Variants in ZFHX3 observed in about 807,000 individuals in gnomAD.
ZFHX3 encodes the protein zinc finger homeobox 3, also known as zinc finger homeobox protein 3.
Under a neutral mutation model 279.1 loss-of-function variants are expected in ZFHX3, and 42 were observed. The ratio of observed to expected loss-of-function variants is 0.15; its 90% confidence interval spans 0.12 to 0.19. The LOEUF is 0.19. Ranked by LOEUF, ZFHX3 falls within the 10% of genes least tolerant of loss-of-function variation. The pLI, the probability that ZFHX3 is intolerant of heterozygous loss-of-function variation, is 1.00. For synonymous variants in ZFHX3, 2,293 were observed against 1,957.8 expected (o/e 1.17, Z -4.52); for missense variants, 4,981 against 4,754.0 (o/e 1.05, Z -1.40).
chr16:73,233,001 G>C (rs998708375), intron 5 of ZFHX3: 1 of 151,088 alleles, frequency 6.6e-6, no homozygotes, highest in African/African-American at 2.4e-5. Flanking sequence ...GGGGTGGGGG[G>C]TAGTGGTGGT....
chr16:73,887,692 A>G (rs1032646579), intron 1 of ZFHX3, among the ~76,000 whole-genome samples: 24 of 152,300 alleles, frequency 1.6e-4, no homozygotes, highest in Middle Eastern at 3.4e-3. Context: ...GTAAACACAA[A>G]CTAATAAATA....
chr16:73,390,018 C>T (rs1474636850), intron 3 of ZFHX3, among the ~76,000 whole-genome samples: 1 of 152,126 alleles, frequency 6.6e-6, no homozygotes, highest in African/African-American at 2.4e-5. Context: ...CGAGATTGCA[C>T]CACTGCACTC....
At chr16:73,231,439 C>T (rs2012768915) in intron 5 of ZFHX3, among the ~76,000 whole-genome samples, 1 of 152,226 alleles carries the variant, frequency 6.6e-6, no homozygotes, top group Non-Finnish European at 1.5e-5. Flanking sequence ...TTTAAAACCT[C>T]TCACCTGCTG....
chr16:73,130,438 G>C (rs375394609), intron 7 of ZFHX3, among the ~76,000 whole-genome samples: 1 of 152,152 alleles, frequency 6.6e-6, no homozygotes, highest in Non-Finnish European at 1.5e-5. Context: ...ACTCTTCTCC[G>C]AGAGGGTCTA....
rs762134796 is a variant in ZFHX3, at chr16:73,780,111, ATTTTTTTTTTTTTTTTTTTTTTTTTTT to A, written c.-1607-99898_-1607-99872del. On this transcript the variant is annotated intron_variant, in intron 1 of 17. Coordinates refer to the ZFHX3 transcript ENST00000641206. ...AACCAGCAAAACTCACTGCATTTGA[ATTTTTTTTTTTTTTTTTTTTTTTTTTT>A]TTTTTTTTTTTTTTTTTTTTTGAGG... is the stretch of plus-strand genomic sequence containing the variant. Among the ~76,000 whole-genome samples the A allele has an allele frequency of 6.0e-3, 200 of 33,214 alleles. 1 individual carries two copies. Among genetic ancestry groups the A allele is most frequent in the African/African-American group, 0.013 (174 of 13,078 alleles). The allele number at this position is 33,214 out of a possible 152,430, so 21.8% of individuals were successfully genotyped here.
chr16:72,969,924 T>C (rs1962026164), intron 1 of ZFHX3, among the ~76,000 whole-genome samples: 3 of 152,216 alleles, frequency 2.0e-5, no homozygotes, highest in South Asian at 2.1e-4. Context: ...ACACAGGTGC[T>C]TGAACAGGCG....
chr16:72,999,742 G>A (rs1963426696), intron 1 of ZFHX3, among the ~76,000 whole-genome samples: 2 of 151,600 alleles, frequency 1.3e-5, no homozygotes, highest in Admixed American at 6.6e-5. Context: ...CTGAGCCCAC[G>A]AGACCACACA....
At chr16:72,841,004 C>T (rs115838158) in intron 4 of ZFHX3, among the ~76,000 whole-genome samples, 2,672 of 152,220 alleles carry the variant, frequency 0.018, 71 homozygotes, top group African/African-American at 0.058. Flanking sequence ...AAGGTCACTA[C>T]GTATTTACAG....
At chr16:73,223,884 A>T (rs2012504556) in intron 5 of ZFHX3, among the ~76,000 whole-genome samples, 1 of 152,222 alleles carries the variant, frequency 6.6e-6, no homozygotes, top group African/African-American at 2.4e-5. Context: ...GGAACACACT[A>T]TCAACATAAA....
At chr16:72,872,400 C>A (rs948485906) in intron 4 of ZFHX3, among the ~76,000 whole-genome samples, 1 of 152,120 alleles carries the variant, frequency 6.6e-6, no homozygotes, top group African/African-American at 2.4e-5. Context: ...TGTGAAAGTA[C>A]TCTCTAGGTT....
chr16:73,817,792 T>C (rs328347), intron 1 of ZFHX3, among the ~76,000 whole-genome samples: 75,867 of 151,964 alleles, frequency 0.5, 20,387 homozygotes, highest in African/African-American at 0.72. Context: ...AAAGAAATGC[T>C]TAGTTCACCT....
At chr16:73,540,058 T>A (rs1260512202) in intron 2 of ZFHX3, among the ~76,000 whole-genome samples, 2 of 152,216 alleles carry the variant, frequency 1.3e-5, no homozygotes, top group Non-Finnish European at 2.9e-5. Context: ...ATAAGCTATA[T>A]ATTTTGGTGA....
chr16:72,797,610 G>A lies in ZFHX3; in HGVS notation c.5072C>T (p.Pro1691Leu). Residue 1691 changes from proline to leucine, a missense_variant, in exon 9 of 10, where the codon CCA (proline) becomes CTA (leucine). Around this residue, in one of 7 missense-constraint regions of ZFHX3, gnomAD observed 1,751 missense variants for 1,770.0 expected, o/e 0.99. Coordinates refer to ENST00000268489, the MANE Select transcript of ZFHX3 (RefSeq NM_006885.4). The stretch of plus-strand genomic sequence containing the variant: ...GGCACCAATAGGATTCCCCAGGGGT[G>A]GCATCCCTACACTCTCAGTGGGCAC... ...SQVPTESVGM[P>L]PLGNPIGANI... 2.5e-6 allele frequency: 4 copies of A among 1,614,058 alleles called. No individual in the cohort carries two copies. The highest frequency in any genetic ancestry group is 4.5e-5 in the East Asian group (2 of 44,854).
chr16:72,786,237 A>AAAG lies in ZFHX3; in HGVS notation c.*924_*926dup. On this transcript the variant is annotated 3_prime_UTR_variant, in exon 10 of 10. Coordinates refer to ENST00000268489, the MANE Select transcript of ZFHX3 (RefSeq NM_006885.4). ...CCATACAAAAAGCTAAATGTACACA[A>AAAG]AAGGTTTTTTTTTTTTTTTCCTTTT... The AAAG allele has an allele frequency of 6.6e-6, 1 of 151,748 alleles. No individual in the cohort carries two copies. Among genetic ancestry groups the AAAG allele is most frequent in the Non-Finnish European group, 1.5e-5 (1 of 68,026 alleles). 9.4% of individuals were successfully genotyped at this position (151,748 alleles called of 1,614,324 possible). A position where few individuals can be genotyped will look rare whatever the true frequency, so the allele number is the denominator to read the frequency against.
At chr16:73,290,040 CACACACACACAT>C (rs773949711) in intron 4 of ZFHX3, among the ~76,000 whole-genome samples, 1,576 of 140,400 alleles carry the variant, frequency 0.011, 7 homozygotes, top group South Asian at 0.029. Context: ...CACACACACA[CACACACACACAT>C]ATAGACATTT....
chr16:73,875,225 G>C (rs2029910940), intron 1 of ZFHX3, among the ~76,000 whole-genome samples: 1 of 152,022 alleles, frequency 6.6e-6, no homozygotes, highest in Non-Finnish European at 1.5e-5. Context: ...GGAATAATCA[G>C]CCATTTTTGG....
At chr16:73,407,385 C>T (rs2017382232) in intron 3 of ZFHX3, among the ~76,000 whole-genome samples, 1 of 152,194 alleles carries the variant, frequency 6.6e-6, no homozygotes, top group Non-Finnish European at 1.5e-5. Flanking sequence ...AATGGTGGTT[C>T]ACCCCTTGGG....
chr16:72,925,427 C>A (rs1420786698), intron 3 of ZFHX3, among the ~76,000 whole-genome samples: 3 of 152,192 alleles, frequency 2.0e-5, no homozygotes, highest in African/African-American at 7.2e-5. Context: ...TTCTAGAGGC[C>A]CCTGAATGCC....
chr16:73,041,280 G>A (rs74030218), intron 1 of ZFHX3, among the ~76,000 whole-genome samples: 2,752 of 152,136 alleles, frequency 0.018, 69 homozygotes, highest in African/African-American at 0.061. Flanking sequence ...TCACCAGCAA[G>A]GGCAAAATAT....
Sources: allele counts gnomAD v4.1 joint callset (sites outside exome capture counted in the v4.1 genomes callset), GRCh38; gene constraint gnomAD v4.1.1; regional missense constraint gnomAD v4.1.1; transcripts MANE v1.5; gene names NCBI Gene and HGNC (gene_info 2026-07-23, HGNC 2026-07-21).